Variants in MTHFD1L observed in about 807,000 individuals in gnomAD.
The protein encoded by MTHFD1L is methylenetetrahydrofolate dehydrogenase (NADP+ dependent) 1 like.
In MTHFD1L, 81 loss-of-function variants were observed where a neutral mutation model predicts 119.5. The ratio of observed to expected loss-of-function variants is 0.68; its 90% CI spans 0.57 to 0.82. The LOEUF (loss-of-function observed/expected upper bound fraction) is 0.82. MTHFD1L is among the 40% of genes least tolerant of loss of function. The probability of loss-of-function intolerance (pLI) is 0.00; values close to 1 mark genes in which losing one functional copy is unlikely to be tolerated. For synonymous variants in MTHFD1L, 430 were observed against 475.2 expected, an observed-to-expected ratio of 0.90 and a Z score of 1.24; for missense variants, 1,125 against 1,253.4, an observed-to-expected ratio of 0.90 and a Z score of 1.55.
At position 151,048,226 on chromosome 6, in the gene MTHFD1L, C is replaced by T. The variant is rs1788414601; in HGVS notation, c.2847+11109C>T. 2.0e-5 allele frequency among the ~76,000 whole-genome samples: 3 copies of T among 152,286 alleles called. No homozygotes were observed. The South Asian group carries it at 6.2e-4, about 32-fold the overall frequency. On this transcript the variant is annotated intron_variant, in intron 26 of 27. Coordinates refer to ENST00000367321, the MANE Select transcript of MTHFD1L (RefSeq NM_015440.5). ...GGAACGGTGCCCTTGTCACACCTAC[C>T]AGAATATACTCACCCACCTCCAGAC...
intron 1 of MTHFD1L, among the ~76,000 whole-genome samples, chr6:150,875,260 G>C (rs1780242251): frequency 1.3e-5 from 2 of 151,932 alleles, no homozygotes; most frequent in South Asian, 2.1e-4. Context: ...TGTTACCCAG[G>C]CTGGTCTCAA....
At chr6:150,922,388 G>A in intron 10 of MTHFD1L, 86 bp downstream of exon 10, 1 of 995,794 alleles carries the variant, frequency 1.0e-6, no homozygotes, top group Non-Finnish European at 1.5e-6. Flanking sequence ...CACAACTCAT[G>A]GTACTGTGGT....
At chr6:151,035,764 T>C (rs1378462187) in intron 25 of MTHFD1L, among the ~76,000 whole-genome samples, 2 of 152,226 alleles carry the variant, frequency 1.3e-5, no homozygotes, top group Non-Finnish European at 2.9e-5. Flanking sequence ...TGGTATTTCT[T>C]TTATGAAGTA....
At chr6:150,963,128 C>G (rs1017104660) in intron 18 of MTHFD1L, among the ~76,000 whole-genome samples, 1 of 152,046 alleles carries the variant, frequency 6.6e-6, no homozygotes, top group African/African-American at 2.4e-5. Flanking sequence ...GTTGGCCAGG[C>G]TGGTCTCGAA....
chr6:151,045,210 A>G (rs1787806120), intron 26 of MTHFD1L, among the ~76,000 whole-genome samples: 1 of 152,130 alleles, frequency 6.6e-6, no homozygotes, highest in South Asian at 2.1e-4. Context: ...CATTTTCCAG[A>G]GATTTACGGC....
chr6:150,879,229 G>A lies in MTHFD1L; in HGVS notation c.417+1403G>A, dbSNP rs1780962631. 2.6e-5 allele frequency among the ~76,000 whole-genome samples: 4 copies of A among 152,134 alleles called. No individual in the cohort carries two copies. The South Asian group carries it at 8.3e-4, about 32-fold the overall frequency. ...AACAAATACCTATGATACCAGCAGT[G>A]ACAGCATGCAAAGGAAGTTGTTGTT... On this transcript the variant is annotated intron_variant, in intron 4 of 27. Transcript: ENST00000367321.
chr6:151,089,787 G>A (rs1187566583), intron 26 of MTHFD1L, among the ~76,000 whole-genome samples: 2 of 152,072 alleles, frequency 1.3e-5, no homozygotes, highest in Non-Finnish European at 2.9e-5. Flanking sequence ...TTCTTTCTGG[G>A]GTCTCCCCCA....
rs115328562 is a variant in MTHFD1L, at chr6:151,075,281, A to G, written c.2848-17186A>G. Among the ~76,000 whole-genome samples the G allele has an allele frequency of 6.4e-3, 979 of 152,280 alleles. 13 individuals are homozygous for G. Among genetic ancestry groups the G allele is most frequent in the African/African-American group, 0.023 (943 of 41,572 alleles). Reference sequence around the variant, plus strand: ...AGAAACCCTTTTTAAATCTAAAGACATAAGTAGGTTAAAGGTAAAAGGATG... The same window carrying G: ...AGAAACCCTTTTTAAATCTAAAGACGTAAGTAGGTTAAAGGTAAAAGGATG... On this transcript the variant is annotated intron_variant, in intron 26 of 27. Coordinates refer to ENST00000367321, the MANE Select transcript of MTHFD1L (RefSeq NM_015440.5).
intron 1 of MTHFD1L, among the ~76,000 whole-genome samples, chr6:150,867,465 AC>A (rs1419476148): frequency 6.6e-6 from 1 of 152,206 alleles, no homozygotes; most frequent in East Asian, 1.9e-4. Context: ...GGGATTAATT[AC>A]ACGTCAGGTC....
intron 8 of MTHFD1L, among the ~76,000 whole-genome samples, chr6:150,910,440 GTA>G (rs1457273438): frequency 1.3e-5 from 2 of 151,232 alleles, no homozygotes; most frequent in Non-Finnish European, 2.9e-5. Flanking sequence ...GCGCATGCCT[GTA>G]ATCCCAGCTA....
chr6:151,061,034 G>C (rs577887550), intron 26 of MTHFD1L, among the ~76,000 whole-genome samples: 68 of 152,280 alleles, frequency 4.5e-4, no homozygotes, highest in African/African-American at 1.6e-3. Context: ...GAACAGGAGC[G>C]GGGAAGAGGG....
At chr6:151,083,351 C>T (rs560023596) in intron 26 of MTHFD1L, among the ~76,000 whole-genome samples, 3 of 152,280 alleles carry the variant, frequency 2.0e-5, no homozygotes, top group African/African-American at 7.2e-5. Context: ...GCACCTGCCA[C>T]CATGCCCAGC....
rs2128704226 is a variant in MTHFD1L at position 150,865,955 on chromosome 6, G to A, written c.133G>A (p.Gly45Ser). Reference sequence around the variant, plus strand: ...CGGAGGCGGCGGCGGTGGCCGGGAGGGCCTGCTTGGACAGCGGCGGCCGCA... The same window carrying A: ...CGGAGGCGGCGGCGGTGGCCGGGAGAGCCTGCTTGGACAGCGGCGGCCGCA... ...GGGGGGGGRE[G>S]LLGQRRPQDG... The change falls in exon 1 of 28, where the codon GGC becomes AGC. Residue 45 changes from glycine (G) to serine (S), a missense_variant. By Grantham distance (56) the Gly-to-Ser change is moderately conservative. Transcript: ENST00000367321. The A allele has an allele frequency of 1.6e-6, 2 of 1,243,432 alleles. No individual in the cohort carries two copies. Among genetic ancestry groups the A allele is most frequent in the East Asian group, 6.5e-5 (2 of 30,648 alleles). 77.0% of individuals were successfully genotyped at this position (1,243,432 alleles called of 1,614,324 possible). A position where few individuals can be genotyped will look rare whatever the true frequency, so the allele number is the denominator to read the frequency against.
chr6:151,084,984 A>AATAT (rs1222130429), intron 26 of MTHFD1L, among the ~76,000 whole-genome samples: 2 of 102,894 alleles, frequency 1.9e-5, no homozygotes, highest in Non-Finnish European at 3.7e-5. Flanking sequence ...AAAAAAAAAA[A>AATAT]ATATATATAT....
chr6:150,866,653 G>A (rs1372683330), intron 1 of MTHFD1L: 1 of 1,197,626 alleles, frequency 8.3e-7, no homozygotes, highest in Non-Finnish European at 1.0e-6. Flanking sequence ...CGGGCCCCCG[G>A]GACAGCCGCC....
At chr6:151,098,653 C>T (rs1344852021) in intron 27 of MTHFD1L, among the ~76,000 whole-genome samples, 1 of 152,152 alleles carries the variant, frequency 6.6e-6, no homozygotes, top group Non-Finnish European at 1.5e-5. Context: ...CAAACTTTTT[C>T]TGAGCACATT....
At chr6:151,092,081 G>T (rs964773757) in intron 26 of MTHFD1L, among the ~76,000 whole-genome samples, 1 of 152,118 alleles carries the variant, frequency 6.6e-6, no homozygotes, top group Non-Finnish European at 1.5e-5. Flanking sequence ...TGTCTTGGGG[G>T]TGAGAAGGAG....
Position 150,887,984 on chromosome 6 carries a change from A to G in MTHFD1L, c.780+3A>G, listed in dbSNP as rs1782598079. 6.3e-7 allele frequency: 1 copy of G among 1,596,146 alleles called. No homozygotes were observed. Among genetic ancestry groups the G allele is most frequent in the African/African-American group, 1.4e-5 (1 of 73,878 alleles). On this transcript the variant is annotated splice_donor_region_variant and intron_variant, in intron 7 of 27. Coordinates refer to ENST00000367321, the MANE Select transcript of MTHFD1L (RefSeq NM_015440.5). ...AAACACGCCAGCTTCAAAGCAAGGT[A>G]AATTTCATGTTAGAAACATACATCT...
At position 151,012,034 on chromosome 6, in the gene MTHFD1L, A is replaced by C. The variant is rs1253036163; in HGVS notation, c.2266-1745A>C. ...ACAACAACAACAAAAAAAAAAAAAAAAAAAAAAAAAAAAAAAACCAGCAGG... is the reference window on the plus strand; with the variant it reads ...ACAACAACAACAAAAAAAAAAAAAACAAAAAAAAAAAAAAAAACCAGCAGG... On this transcript the variant is annotated intron_variant, in intron 21 of 27. Transcript: ENST00000367321. Among the ~76,000 whole-genome samples, 474 of 143,714 alleles carry C rather than the reference A, an allele frequency of 3.3e-3. 7 individuals carry two copies. The highest frequency in any genetic ancestry group is 0.011 in the African/African-American group (429 of 39,226). 94.3% of individuals were successfully genotyped at this position (143,714 alleles called of 152,430 possible). A position where few individuals can be genotyped will look rare whatever the true frequency, so the allele number is the denominator to read the frequency against.
Sources: gnomAD v4.1 joint callset for allele counts (sites outside exome capture counted in the v4.1 genomes callset) on GRCh38, gnomAD v4.1.1 for gene constraint, MANE v1.5 for transcripts, NCBI Gene and HGNC (gene_info 2026-07-23, HGNC 2026-07-21) for gene names.